Variants in SLC2A9 observed in about 807,000 individuals in gnomAD.
SLC2A9 encodes the protein solute carrier family 2 member 9, also known as solute carrier family 2, facilitated glucose transporter member 9.
SLC2A9 carries 39 observed loss-of-function variants against 50.6 expected under a neutral mutation model. That is an observed-to-expected ratio of 0.77 (90% CI 0.60 to 1.01). The LOEUF (loss-of-function observed/expected upper bound fraction) is 1.01, where lower values mean the gene tolerates loss of function less well. Among genes scored for constraint, SLC2A9 ranks in the 50% least tolerant of loss-of-function variants. The pLI is 0.00. For synonymous variants in SLC2A9, 324 were observed against 276.9 expected (o/e 1.17, Z -1.69); for missense variants, 686 against 677.6 (o/e 1.01, Z -0.14).
At chr4:10,037,217 T>G (rs1183273023) in intron 1 of SLC2A9, among the ~76,000 whole-genome samples, 3 of 152,208 alleles carry the variant, frequency 2.0e-5, no homozygotes, top group Non-Finnish European at 4.4e-5. Flanking sequence ...TTTGGAGCAT[T>G]GTCATCATCT....
At chr4:10,039,444 A>T (rs1227742109) in intron 1 of SLC2A9, among the ~76,000 whole-genome samples, 2 of 152,206 alleles carry the variant, frequency 1.3e-5, no homozygotes, top group East Asian at 3.8e-4. Context: ...GTTTCCCATG[A>T]AGTGAACACT....
chr4:9,879,695 T>C (rs1346028255), intron 10 of SLC2A9: 5 of 985,276 alleles, frequency 5.1e-6, no homozygotes, highest in Non-Finnish European at 6.0e-6. Context: ...GTCCACTCCA[T>C]TTAAACACAA....
At chr4:10,005,373 G>A (rs1437458934) in intron 2 of SLC2A9, among the ~76,000 whole-genome samples, 1 of 152,208 alleles carries the variant, frequency 6.6e-6, no homozygotes, top group Admixed American at 6.5e-5. Flanking sequence ...TAGAAGGTTG[G>A]AGGCTGCCTG....
chr4:9,815,665 T>C (rs1723476739), intron 3 of SLC2A9, among the ~76,000 whole-genome samples: 1 of 152,170 alleles, frequency 6.6e-6, no homozygotes, highest in Non-Finnish European at 1.5e-5. Context: ...GTTCCTATGA[T>C]GGACTAGAAA....
chr4:9,930,886 G>A (rs6837336), intron 6 of SLC2A9, among the ~76,000 whole-genome samples: 43,145 of 152,042 alleles, frequency 0.28, 6,892 homozygotes, highest in African/African-American at 0.41. Flanking sequence ...ATTGTGGAAG[G>A]GACCCAGGCA....
intron 6 of SLC2A9, among the ~76,000 whole-genome samples, chr4:9,936,416 G>A (rs1475689927): frequency 6.6e-6 from 1 of 152,164 alleles, no homozygotes; most frequent in Non-Finnish European, 1.5e-5. Context: ...CTAACTCTCA[G>A]CTAACCCTGG....
intron 8 of SLC2A9, among the ~76,000 whole-genome samples, chr4:9,901,692 G>A (rs1002007384): frequency 2.2e-4 from 33 of 152,020 alleles, no homozygotes; most frequent in Admixed American, 2.0e-3. Flanking sequence ...CAGCCCCTTG[G>A]CCCCTCAAGC....
At chr4:9,832,477 G>C (rs1245983172) in intron 11 of SLC2A9, among the ~76,000 whole-genome samples, 1 of 152,116 alleles carries the variant, frequency 6.6e-6, no homozygotes, top group Non-Finnish European at 1.5e-5. Flanking sequence ...CAGCCTGGCT[G>C]TTCCTGCTCC....
At chr4:9,771,478 C>G in intron 1 of SLC2A9, 1 of 398,866 alleles carries the variant, frequency 2.5e-6, no homozygotes, top group East Asian at 3.6e-5. Context: ...AGCCAGTACC[C>G]AACACAACTG....
rs148002726 is a variant in SLC2A9 at position 9,996,840 on chromosome 4, G to A, written c.351C>T (p.Phe117=). The A allele has an allele frequency of 1.1e-3, 1,789 of 1,614,164 alleles. 1 individual carries two copies. The highest frequency in any genetic ancestry group is 1.3e-3 in the Non-Finnish European group (1,502 of 1,180,016). The stretch of plus-strand genomic sequence containing the variant: ...ACGTCCCCACAAGTCCACCGATGGC[G>A]AATATGGACACAGTCACAGACCAGA... ...TLLWSVTVSI[F]AIGGLVGTLI... is the part of the protein sequence containing the mutation. The change falls in exon 3 of 12, where the codon TTC becomes TTT. Residue 117 remains phenylalanine (F), a synonymous_variant. Coordinates refer to ENST00000264784, the MANE Select transcript of SLC2A9 (RefSeq NM_020041.3).
chr4:9,865,808 C>T (rs552239753), intron 10 of SLC2A9, among the ~76,000 whole-genome samples: 42 of 149,034 alleles, frequency 2.8e-4, no homozygotes, highest in Middle Eastern at 3.4e-3. Context: ...TTTTGTTAGA[C>T]GGTCTTTGAA....
intron 5 of SLC2A9, among the ~76,000 whole-genome samples, chr4:9,955,641 T>A (rs1262472040): frequency 2.0e-5 from 3 of 152,124 alleles, no homozygotes; most frequent in African/African-American, 7.2e-5. Flanking sequence ...TCACTCCTGC[T>A]CTAACTCTTG....
At chr4:9,994,522 G>A (rs1758278452) in intron 3 of SLC2A9, among the ~76,000 whole-genome samples, 1 of 150,004 alleles carries the variant, frequency 6.7e-6, no homozygotes, top group South Asian at 2.1e-4. Context: ...CTTAGAGATT[G>A]AAGGTATTTT....
intron 6 of SLC2A9, among the ~76,000 whole-genome samples, chr4:9,933,155 T>C (rs574376142): frequency 9.4e-4 from 143 of 152,312 alleles, no homozygotes; most frequent in African/African-American, 3.3e-3. Flanking sequence ...ATATGCATGG[T>C]GTGGCCCAAA....
chr4:9,909,919 C>T (rs995412563), intron 7 of SLC2A9, among the ~76,000 whole-genome samples: 9 of 152,250 alleles, frequency 5.9e-5, no homozygotes, highest in Non-Finnish European at 5.9e-5. Context: ...GCCACACTCT[C>T]GCATTTTGCT....
In SLC2A9 at chr4:9,807,962, C is replaced by A. The variant is rs143125558; in HGVS notation, n.421-8721G>T. 3.3e-3 allele frequency among the ~76,000 whole-genome samples: 500 copies of A among 152,338 alleles called. 4 individuals carry two copies. Among genetic ancestry groups the A allele is most frequent in the African/African-American group, 0.011 (471 of 41,572 alleles). ...TTGGCCCCAGGCCTATTTATTTGCT[C>A]TTTCCTGAAATCTCACCATGTCTTG... On this transcript the variant is annotated intron_variant and non_coding_transcript_variant, in intron 3 of 3. Transcript: ENST00000503280.
intron 3 of SLC2A9, among the ~76,000 whole-genome samples, chr4:9,804,730 T>C (rs1345114203): frequency 6.6e-6 from 1 of 152,212 alleles, no homozygotes; most frequent in Non-Finnish European, 1.5e-5. Flanking sequence ...CTTCAAGAGT[T>C]GCAGCAGGAC....
At chr4:9,975,934 A>G (rs1243818340) in intron 5 of SLC2A9, among the ~76,000 whole-genome samples, 1 of 152,214 alleles carries the variant, frequency 6.6e-6, no homozygotes, top group Non-Finnish European at 1.5e-5. Flanking sequence ...AAGCAAAATC[A>G]TGTTGTTCGC....
chr4:9,817,283 C>T (rs886173130), intron 3 of SLC2A9, among the ~76,000 whole-genome samples: 6 of 152,180 alleles, frequency 3.9e-5, no homozygotes, highest in Non-Finnish European at 7.3e-5. Flanking sequence ...AGGATTACGC[C>T]CTGGACATCT....
Sources: gnomAD v4.1 joint callset for allele counts (sites outside exome capture counted in the v4.1 genomes callset) on GRCh38, gnomAD v4.1.1 for gene constraint, MANE v1.5 for transcripts, NCBI Gene and HGNC (gene_info 2026-07-23, HGNC 2026-07-21) for gene names.